Variants in SMC2 observed in about 807,000 individuals in gnomAD.
The protein encoded by SMC2 is structural maintenance of chromosomes 2, also known as structural maintenance of chromosomes protein 2.
In SMC2, 41 loss-of-function variants were observed where a neutral mutation model predicts 142.6. The observed-to-expected ratio is 0.29, with a 90% CI of 0.22 to 0.37. SMC2 has a LOEUF of 0.37. Ranked by LOEUF, SMC2 falls within the 10% of genes least tolerant of loss-of-function variation. The pLI is 1.00. For synonymous variants in SMC2, 463 were observed against 457.5 expected (o/e 1.01, Z -0.15); for missense variants, 1,265 against 1,373.7 (o/e 0.92, Z 1.25).
intron 15 of SMC2, among the ~76,000 whole-genome samples, chr9:104,119,694 T>C (rs1474455028): frequency 6.6e-6 from 1 of 152,150 alleles, no homozygotes; most frequent in Non-Finnish European, 1.5e-5. Context: ...ATGTACTGCC[T>C]CCTAAAGTTT....
Position 104,100,408 on chromosome 9 carries a change from CTCCAACCA to C in SMC2, c.613_620del (p.Pro205SerfsTer36). The C allele has an allele frequency of 6.6e-7, 1 of 1,520,262 alleles. No individual in the cohort carries two copies. The highest frequency in any genetic ancestry group is 1.7e-5 in the Admixed American group (1 of 58,418). The allele number at this position is 1,520,262 out of a possible 1,614,324, so 94.2% of individuals were successfully genotyped here. On this transcript the variant is annotated frameshift_variant, in exon 7 of 25. Coordinates refer to ENST00000374793, the MANE Select transcript of SMC2 (RefSeq NM_006444.3). LOFTEE classifies it high-confidence loss of function. ...TTCCAGATACTTGAAGAAGAGATTA[CTCCAACCA>C]TTCAAAAATTAAAAGAGGTATATTC...
At chr9:104,098,589 A>G (rs370657190) in intron 4 of SMC2, 21 bp downstream of exon 4, 1 of 1,575,264 alleles carries the variant, frequency 6.3e-7, no homozygotes, top group Non-Finnish European at 8.6e-7. Flanking sequence ...TGAGGTCTTT[A>G]TATCACTTTC....
At chr9:104,089,708 G>C (rs1018766167), upstream of SMC2, among the ~76,000 whole-genome samples, 2 of 152,182 alleles carry the variant, frequency 1.3e-5, no homozygotes, top group African/African-American at 4.8e-5. Flanking sequence ...GCAGTGGCGC[G>C]ATCTAGGCTC....
intron 21 of SMC2, among the ~76,000 whole-genome samples, chr9:104,130,117 C>T (rs1274955469): frequency 6.6e-6 from 1 of 152,094 alleles, no homozygotes; most frequent in African/African-American, 2.4e-5. Context: ...CATTTCATTT[C>T]TTTCACTTGC....
At chr9:104,109,036 A>G (rs557102954) in intron 9 of SMC2, among the ~76,000 whole-genome samples, 2 of 152,336 alleles carry the variant, frequency 1.3e-5, no homozygotes, top group South Asian at 4.1e-4. Context: ...TGCATTTTCT[A>G]GCACATTCTA....
intron 21 of SMC2, 129 bp downstream of exon 21, chr9:104,129,974 T>C: frequency 1.4e-6 from 1 of 692,630 alleles, no homozygotes; most frequent in Non-Finnish European, 2.4e-6. Flanking sequence ...CTTTCTGCTT[T>C]CCTTTTTCTC....
chr9:104,113,924 T>C, intron 11 of SMC2, 40 bp from the exon 12 acceptor site: 1 of 1,298,242 alleles, frequency 7.7e-7, no homozygotes, highest in Non-Finnish European at 1.1e-6. Flanking sequence ...AGAGTGAGCT[T>C]TTAAAACTTG....
intron 22 of SMC2, among the ~76,000 whole-genome samples, chr9:104,133,223 T>C (rs1835178797): frequency 6.6e-6 from 1 of 152,140 alleles, no homozygotes. Flanking sequence ...TCATTTTCTG[T>C]GTAGCATAGG....
chr9:104,123,363 G>T, intron 17 of SMC2, 131 bp downstream of exon 17: 8 of 791,344 alleles, frequency 1.0e-5, no homozygotes, highest in Non-Finnish European at 1.5e-5. Flanking sequence ...ATCCAAGTAT[G>T]GGATTTCTAG....
At position 104,139,281 on chromosome 9, in the gene SMC2, C is replaced by CA; in HGVS notation, c.3564dup (p.Pro1189ThrfsTer19). On this transcript the variant is annotated frameshift_variant, in exon 25 of 25. Transcript: ENST00000374793. LOFTEE classifies it high-confidence loss of function. Reference sequence around the variant, plus strand: ...ATTTCAAAGGAAGCAAAATCCAAGGCAAAACCACCCAAAGGAGCACATGTG... The same window carrying CA: ...ATTTCAAAGGAAGCAAAATCCAAGGCAAAAACCACCCAAAGGAGCACATGTG... 6.3e-7 allele frequency: 1 copy of CA among 1,599,868 alleles called. No homozygotes were observed. The highest frequency in any genetic ancestry group is 8.5e-7 in the Non-Finnish European group (1 of 1,175,384).
At chr9:104,124,812 T>C in intron 17 of SMC2, 100 bp from the exon 18 acceptor site, 1 of 832,224 alleles carries the variant, frequency 1.2e-6, no homozygotes, top group Non-Finnish European at 1.9e-6. Context: ...TTTCTTAAAT[T>C]GTACCCTGTA....
rs1263561487 is a variant in SMC2, at chr9:104,098,448, G to A, written c.321G>A (p.Val107=). Residue 107 remains valine (V), a splice_region_variant and synonymous_variant, in exon 4 of 25, where the codon GTG becomes GTA. Coordinates refer to ENST00000374793, the MANE Select transcript of SMC2 (RefSeq NM_006444.3). ...VHDEITVTRQ[V]VIGGRNKYLI... Reference sequence around the variant, plus strand: ...TAAAAAATTGCTTTCTTTTATAGGTGGTTATTGGTGGTAGAAATAAATATT... The same window carrying A: ...TAAAAAATTGCTTTCTTTTATAGGTAGTTATTGGTGGTAGAAATAAATATT... 2 of 1,584,214 alleles carry A rather than the reference G, an allele frequency of 1.3e-6. No individual in the cohort carries two copies. The highest frequency in any genetic ancestry group is 1.7e-6 in the Non-Finnish European group (2 of 1,169,546).
At chr9:104,138,276 A>G in intron 24 of SMC2, 111 bp downstream of exon 24, 2 of 818,648 alleles carry the variant, frequency 2.4e-6, no homozygotes, top group Non-Finnish European at 3.5e-6. Context: ...GATAAATACT[A>G]AAGCATTGTA....
At chr9:104,136,984 C>G (rs1835616655) in intron 23 of SMC2, among the ~76,000 whole-genome samples, 1 of 151,968 alleles carries the variant, frequency 6.6e-6, no homozygotes, top group Non-Finnish European at 1.5e-5. Context: ...CCTGTCTCAA[C>G]TAAAACTACA....
At chr9:104,109,636 A>T (rs1358313766) in intron 9 of SMC2, among the ~76,000 whole-genome samples, 1 of 152,220 alleles carries the variant, frequency 6.6e-6, no homozygotes, top group East Asian at 1.9e-4. Context: ...TTTGAACTGC[A>T]TGGATTGACT....
chr9:104,093,592 C>T (rs182754933), upstream of SMC2, among the ~76,000 whole-genome samples: 487 of 152,286 alleles, frequency 3.2e-3, no homozygotes, highest in Non-Finnish European at 4.5e-3. Context: ...AAAAAATCCC[C>T]AACAGGTTAG....
Position 104,116,056 on chromosome 9 carries a change from A to G in SMC2, c.1672-144A>G, listed in dbSNP as rs1030334319. 6 of 612,208 alleles carry G rather than the reference A, an allele frequency of 9.8e-6. No homozygotes were observed. The Admixed American group carries it at 2.5e-4, about 26-fold the overall frequency. The allele number at this position is 612,208 out of a possible 1,614,324, so 37.9% of individuals were successfully genotyped here. ...GCAGCATCTCCTTTTTCAAGTTCAA[A>G]TGATGTTCCATTGCATATGTAATTA... On this transcript the variant is annotated intron_variant, in intron 13 of 24. Coordinates refer to ENST00000374793, the MANE Select transcript of SMC2 (RefSeq NM_006444.3).
rs555852525 is a variant in SMC2, at chr9:104,130,955, A to G, written c.2992-1054A>G. Among the ~76,000 whole-genome samples, 83 of 152,276 alleles carry G rather than the reference A, an allele frequency of 5.5e-4. 1 individual carries two copies. Among genetic ancestry groups the G allele is most frequent in the Admixed American group, 2.2e-3 (34 of 15,288 alleles). Reference sequence around the variant, plus strand: ...TTTGTATCTATCTACATAAGCAATTACATGGATTTTCATGAAAAAATAAGA... The same window carrying G: ...TTTGTATCTATCTACATAAGCAATTGCATGGATTTTCATGAAAAAATAAGA... On this transcript the variant is annotated intron_variant, in intron 21 of 24. Transcript: ENST00000374793.
At chr9:104,126,143 T>C (rs1308248307) in intron 18 of SMC2, among the ~76,000 whole-genome samples, 1 of 152,074 alleles carries the variant, frequency 6.6e-6, no homozygotes, top group Non-Finnish European at 1.5e-5. Flanking sequence ...TGATCTGAGA[T>C]GGGGTGGTTT....
Sources: allele counts gnomAD v4.1 joint callset (sites outside exome capture counted in the v4.1 genomes callset), GRCh38; gene constraint gnomAD v4.1.1; transcripts MANE v1.5; gene names NCBI Gene and HGNC (gene_info 2026-07-23, HGNC 2026-07-21).